STXBP6: variants seen among roughly 807,000 people sequenced by gnomAD.
STXBP6 encodes syntaxin binding protein 6.
A neutral mutation model predicts 26.9 loss-of-function variants in STXBP6; 21 were observed. That is an observed-to-expected ratio of 0.78 (90% confidence interval 0.55 to 1.12). The LOEUF is 1.12. STXBP6 is among the 50% of genes most tolerant of loss of function. The probability of loss-of-function intolerance (pLI) is 0.00; values close to 1 mark genes in which losing one functional copy is unlikely to be tolerated. For missense variants in STXBP6, 232 were observed against 257.9 expected (o/e 0.90, Z 0.69); for synonymous variants, 97 against 92.6 (o/e 1.05, Z -0.27).
intron 1 of STXBP6, among the ~76,000 whole-genome samples, chr14:24,977,497 G>T (rs759971067): frequency 1.3e-4 from 19 of 151,912 alleles, no homozygotes; most frequent in Non-Finnish European, 2.5e-4. Flanking sequence ...ACAAACTCAG[G>T]TTCAAATTTT....
intron 1 of STXBP6, among the ~76,000 whole-genome samples, chr14:25,039,603 T>C (rs997451404): frequency 3.9e-5 from 6 of 152,204 alleles, no homozygotes; most frequent in Admixed American, 3.3e-4. Context: ...ACTTGGCTCC[T>C]CTACAGCATT....
intron 1 of STXBP6, among the ~76,000 whole-genome samples, chr14:25,016,861 T>C (rs1254329950): frequency 6.6e-6 from 1 of 152,156 alleles, no homozygotes; most frequent in Non-Finnish European, 1.5e-5. Context: ...TAATTACATG[T>C]GTATTTGGTA....
chr14:25,012,503 G>A (rs1038270519), intron 1 of STXBP6, among the ~76,000 whole-genome samples: 8 of 152,120 alleles, frequency 5.3e-5, no homozygotes, highest in African/African-American at 1.9e-4. Flanking sequence ...CTGAGGCAGA[G>A]GAATCACAAT....
At chr14:24,900,836 C>A (rs2071186066) in intron 2 of STXBP6, among the ~76,000 whole-genome samples, 2 of 152,178 alleles carry the variant, frequency 1.3e-5, no homozygotes, top group Non-Finnish European at 2.9e-5. Flanking sequence ...CAGTGTCTGT[C>A]TTTTCTAAAG....
chr14:24,942,754 G>A (rs548794000), intron 2 of STXBP6, among the ~76,000 whole-genome samples: 6 of 152,296 alleles, frequency 3.9e-5, no homozygotes, highest in African/African-American at 1.4e-4. Context: ...GATAAAGGGG[G>A]TGGTTCATGC....
chr14:25,037,871 A>T (rs1185766634), intron 1 of STXBP6, among the ~76,000 whole-genome samples: 1 of 152,222 alleles, frequency 6.6e-6, no homozygotes, highest in Admixed American at 6.5e-5. Context: ...GCCCTGGGCC[A>T]TCTATGCTGG....
intron 4 of STXBP6, among the ~76,000 whole-genome samples, chr14:24,836,450 T>G (rs111607378): frequency 0.01 from 1,563 of 151,764 alleles, 37 homozygotes; most frequent in African/African-American, 0.036. Flanking sequence ...ATACAAAAAT[T>G]AGCCGGGTGT....
At chr14:24,827,521 C>A (rs1215882402) in intron 4 of STXBP6, among the ~76,000 whole-genome samples, 2 of 152,176 alleles carry the variant, frequency 1.3e-5, no homozygotes, top group African/African-American at 4.8e-5. Context: ...CTTCTACTCT[C>A]AATTGACCTG....
chr14:24,924,166 C>T (rs1446317704), intron 2 of STXBP6, among the ~76,000 whole-genome samples: 2 of 152,158 alleles, frequency 1.3e-5, no homozygotes, highest in African/African-American at 4.8e-5. Context: ...TGAACATCAT[C>T]CTGGATGTCA....
chr14:24,957,226 C>G (rs972718730), intron 2 of STXBP6, among the ~76,000 whole-genome samples: 2 of 152,168 alleles, frequency 1.3e-5, no homozygotes, highest in African/African-American at 4.8e-5. Flanking sequence ...TGTGTCTAAC[C>G]CTAGTCATGC....
At chr14:24,868,237 T>C (rs1594999771) in intron 2 of STXBP6, among the ~76,000 whole-genome samples, 1 of 152,068 alleles carries the variant, frequency 6.6e-6, no homozygotes, top group Non-Finnish European at 1.5e-5. Context: ...ATCAAGAATA[T>C]ACATTTAGAA....
intron 2 of STXBP6, among the ~76,000 whole-genome samples, chr14:24,904,204 T>A (rs1370355150): frequency 6.6e-6 from 1 of 152,010 alleles, no homozygotes; most frequent in Non-Finnish European, 1.5e-5. Flanking sequence ...GAATCCCACA[T>A]CTCCAATTCA....
chr14:24,969,280 G>A (rs2073831460), intron 2 of STXBP6, among the ~76,000 whole-genome samples: 1 of 152,074 alleles, frequency 6.6e-6, no homozygotes, highest in African/African-American at 2.4e-5. Flanking sequence ...TCCTTCTCTG[G>A]GGATGAGTAG....
At chr14:24,966,215 A>C (rs1228067393) in intron 2 of STXBP6, among the ~76,000 whole-genome samples, 1 of 152,178 alleles carries the variant, frequency 6.6e-6, no homozygotes. Flanking sequence ...GAATGCATAC[A>C]TGAGAGAATG....
intron 1 of STXBP6, among the ~76,000 whole-genome samples, chr14:25,016,864 A>T (rs4630468): frequency 2.0e-5 from 3 of 152,224 alleles, no homozygotes; most frequent in Admixed American, 2.0e-4. Flanking sequence ...TTACATGTGT[A>T]TTTGGTATGA....
chr14:24,971,056 A>T (rs2073892445), intron 2 of STXBP6, among the ~76,000 whole-genome samples: 1 of 152,180 alleles, frequency 6.6e-6, no homozygotes, highest in Non-Finnish European at 1.5e-5. Flanking sequence ...AACTGGAGAG[A>T]TTATTTTTCT....
At chr14:25,041,268 A>T (rs537150034) in intron 1 of STXBP6, among the ~76,000 whole-genome samples, 1 of 152,112 alleles carries the variant, frequency 6.6e-6, no homozygotes, top group South Asian at 2.1e-4. Context: ...TGAGCATGTG[A>T]TCGTGCCATT....
chr14:25,014,232 C>T (rs939235450), intron 1 of STXBP6, among the ~76,000 whole-genome samples: 9 of 152,128 alleles, frequency 5.9e-5, no homozygotes, highest in Admixed American at 1.3e-4. Flanking sequence ...TGGTGGCTCA[C>T]GCCTGTAATC....
chr14:24,890,443 C>T (rs1241625), intron 2 of STXBP6, among the ~76,000 whole-genome samples: 55,554 of 151,844 alleles, frequency 0.37, 10,381 homozygotes, highest in East Asian at 0.44. Flanking sequence ...ATAGAAAACA[C>T]GAGGGTCAGG....
Sources: allele counts gnomAD v4.1 joint callset (sites outside exome capture counted in the v4.1 genomes callset), GRCh38; gene constraint gnomAD v4.1.1; transcripts MANE v1.5; gene names NCBI Gene and HGNC (gene_info 2026-07-23, HGNC 2026-07-21).